The following C4orf50 variants were observed in gnomAD, a reference collection of about 807,000 sequenced individuals.
C4orf50 encodes the protein chromosome 4 open reading frame 50.
C4orf50 carries 80 observed loss-of-function variants against 77.2 expected under a neutral mutation model. That is an observed-to-expected ratio of 1.04 (90% CI 0.87 to 1.25). C4orf50 has a LOEUF of 1.25. Among genes scored for constraint, C4orf50 ranks in the 50% most tolerant of loss-of-function variants. The probability of loss-of-function intolerance (pLI) is 0.00; values close to 1 mark genes in which losing one functional copy is unlikely to be tolerated. For synonymous variants in C4orf50, 532 were observed against 465.3 expected (o/e 1.14, Z -1.84); for missense variants, 1,257 against 1,152.9 (o/e 1.09, Z -1.31).
chr4:5,941,042 T>C (rs924749929), intron 7 of C4orf50, among the ~76,000 whole-genome samples: 1 of 152,202 alleles, frequency 6.6e-6, no homozygotes, highest in African/African-American at 2.4e-5. Flanking sequence ...CTACATCTAA[T>C]GTGTATACAT....
intron 29 of C4orf50, among the ~76,000 whole-genome samples, chr4:5,977,747 A>G (rs35219078): frequency 0.2 from 30,695 of 152,150 alleles, 3,216 homozygotes; most frequent in African/African-American, 0.26. Context: ...ACATTCAAAA[A>G]GCACTCAATC....
At chr4:6,014,839 G>A (rs1722622475) in intron 23 of C4orf50, among the ~76,000 whole-genome samples, 1 of 152,152 alleles carries the variant, frequency 6.6e-6, no homozygotes. Flanking sequence ...CTGCAAGATG[G>A]TGTACCCCAT....
At chr4:6,004,057 GTGA>G (rs1722034237) in intron 25 of C4orf50, among the ~76,000 whole-genome samples, 9 of 114,210 alleles carry the variant, frequency 7.9e-5, no homozygotes, top group Admixed American at 1.8e-4. Flanking sequence ...GGTGATGATG[GTGA>G]TGATGGTGAT....
chr4:5,998,137 T>C (rs1002662356), intron 25 of C4orf50, among the ~76,000 whole-genome samples: 2 of 152,200 alleles, frequency 1.3e-5, no homozygotes, highest in African/African-American at 4.8e-5. Flanking sequence ...CAAAGGGATA[T>C]GTTCATTTAT....
exon 28 of C4orf50, chr4:5,989,569 C>T: frequency 6.5e-7 from 1 of 1,536,126 alleles, no homozygotes; most frequent in African/African-American, 1.4e-5. Context: ...GCACTGCCAG[C>T]CCCTGCTGCC....
intron 29 of C4orf50, among the ~76,000 whole-genome samples, chr4:5,977,064 AG>A (rs1720330690): frequency 2.0e-5 from 3 of 152,192 alleles, no homozygotes; most frequent in Admixed American, 2.0e-4. Flanking sequence ...GACAGAAAAA[AG>A]GGAAGGCACC....
chr4:6,012,245 A>G (rs1483074488), intron 23 of C4orf50, among the ~76,000 whole-genome samples: 3 of 152,208 alleles, frequency 2.0e-5, no homozygotes, highest in Non-Finnish European at 4.4e-5. Flanking sequence ...AGGTAATGCC[A>G]ACTCAGAGCA....
At chr4:5,943,066 T>C (rs1422142524) in intron 7 of C4orf50, among the ~76,000 whole-genome samples, 1 of 152,192 alleles carries the variant, frequency 6.6e-6, no homozygotes, top group Non-Finnish European at 1.5e-5. Context: ...ACTAGGCATA[T>C]ATGAAAGGAT....
intron 31 of C4orf50, among the ~76,000 whole-genome samples, chr4:5,971,870 C>A (rs887909182): frequency 6.6e-6 from 1 of 152,166 alleles, no homozygotes; most frequent in African/African-American, 2.4e-5. Flanking sequence ...AGTTCCAGGG[C>A]CTGTGAGAGT....
intron 7 of C4orf50, among the ~76,000 whole-genome samples, chr4:5,940,386 T>C (rs1357966043): frequency 6.6e-6 from 1 of 152,256 alleles, no homozygotes; most frequent in Non-Finnish European, 1.5e-5. Flanking sequence ...AGAACCCAGG[T>C]GCCCTTCCCC....
intron 25 of C4orf50, among the ~76,000 whole-genome samples, chr4:6,005,700 C>T (rs1722221199): frequency 6.6e-6 from 1 of 152,232 alleles, no homozygotes; most frequent in Non-Finnish European, 1.5e-5. Context: ...CTAAGGATTA[C>T]ATGAGAAAAC....
chr4:6,002,337 C>G (rs961753806), intron 25 of C4orf50, among the ~76,000 whole-genome samples: 8 of 152,180 alleles, frequency 5.3e-5, no homozygotes, highest in Admixed American at 4.6e-4. Flanking sequence ...GGAAGCATGG[C>G]CCCACTGCCA....
exon 34 of C4orf50, chr4:5,959,018 A>G: frequency 4.4e-6 from 1 of 226,616 alleles, no homozygotes. Flanking sequence ...TGCCAGTAGC[A>G]GTGTCCCAGC....
At chr4:5,990,395 C>T (rs186868107) in exon 28 of C4orf50, 1 of 422,168 alleles carries the variant, frequency 2.4e-6, no homozygotes, top group African/African-American at 2.0e-5. Context: ...CTTCCTCCTC[C>T]ATTGTTCCAA....
At chr4:5,928,786 G>T (rs772388301) in intron 7 of C4orf50, among the ~76,000 whole-genome samples, 1 of 152,132 alleles carries the variant, frequency 6.6e-6, no homozygotes, top group Non-Finnish European at 1.5e-5. Context: ...AAACTTTCTT[G>T]TTTTTCCCTA....
intron 29 of C4orf50, among the ~76,000 whole-genome samples, chr4:5,977,705 G>A (rs1720364177): frequency 6.6e-6 from 1 of 152,186 alleles, no homozygotes; most frequent in African/African-American, 2.4e-5. Flanking sequence ...CGTATTCAAA[G>A]AGTAAAATTC....
chr4:5,951,354 C>T (rs1037996582), intron 7 of C4orf50, among the ~76,000 whole-genome samples: 7 of 151,870 alleles, frequency 4.6e-5, no homozygotes, highest in Non-Finnish European at 2.9e-5. Context: ...GGTGGTGGCA[C>T]ATGATTGTGA....
intron 7 of C4orf50, among the ~76,000 whole-genome samples, chr4:5,940,652 G>A (rs1271124490): frequency 6.6e-6 from 1 of 152,186 alleles, no homozygotes; most frequent in Non-Finnish European, 1.5e-5. Flanking sequence ...CATTTGTAAT[G>A]TGACTCCCCT....
intron 33 of C4orf50, among the ~76,000 whole-genome samples, chr4:5,960,326 TG>T (rs1342016878): frequency 1.3e-5 from 2 of 152,230 alleles, no homozygotes; most frequent in Non-Finnish European, 2.9e-5. Context: ...CAGGCAGGAC[TG>T]CCTCACCAGG....
Sources: gnomAD v4.1 joint callset for allele counts (sites outside exome capture counted in the v4.1 genomes callset) on GRCh38, gnomAD v4.1.1 for gene constraint, MANE v1.5 for transcripts, NCBI Gene and HGNC (gene_info 2026-07-23, HGNC 2026-07-21) for gene names.